Variants in TXNRD2 observed in about 807,000 individuals in gnomAD.
TXNRD2 encodes the protein thioredoxin reductase 2, mitochondrial.
Under a neutral mutation model 70.8 loss-of-function variants are expected in TXNRD2, and 67 were observed. The observed-to-expected ratio is 0.95, with a 90% CI of 0.78 to 1.16. The LOEUF is 1.16. Among genes scored for constraint, TXNRD2 ranks in the 50% most tolerant of loss-of-function variants. The pLI is 0.00. For synonymous variants in TXNRD2, 301 were observed against 295.8 expected (o/e 1.02, Z -0.18); for missense variants, 644 against 719.9 (o/e 0.89, Z 1.21).
At chr22:19,891,894 T>G (rs1218331083) in intron 11 of TXNRD2, 1 of 152,330 alleles carries the variant, frequency 6.6e-6, no homozygotes, top group African/African-American at 2.4e-5. Context: ...GCTCTGGTCC[T>G]CCTCTGCTTC....
intron 16 of TXNRD2, 103 bp from the exon 17 acceptor site, chr22:19,877,337 C>T (rs1427325960): frequency 1.8e-6 from 2 of 1,087,046 alleles, no homozygotes; most frequent in South Asian, 1.4e-5. Flanking sequence ...TGCTGGTCTC[C>T]TCACTGTCCC....
rs1388670551 is a variant in TXNRD2 at position 19,880,201 on chromosome 22, C to T, written c.1253G>A (p.Arg418His). The change falls in exon 14 of 18, where the codon CGC becomes CAC. Residue 418 changes from arginine (R) to histidine (H), a missense_variant. By Grantham distance (29) the Arg-to-His change is conservative. Around this residue, in one of 3 missense-constraint regions of TXNRD2, gnomAD observed 566 missense variants for 645.0 expected, o/e 0.88. Coordinates refer to ENST00000400521, the MANE Select transcript of TXNRD2 (RefSeq NM_006440.5). The part of the protein sequence containing the change: ...VGLSEEEAVA[R>H]HGQEHVEVYH... ...CACCTCAACATGCTCCTGCCCGTGG[C>T]GAGCCACTGCCTCCTCCTCGGACAG... 10 of 1,613,328 alleles carry T rather than the reference C, an allele frequency of 6.2e-6. No individual in the cohort carries two copies. Among genetic ancestry groups the T allele is most frequent in the East Asian group, 2.2e-5 (1 of 44,880 alleles).
intron 4 of TXNRD2, 90 bp downstream of exon 4, chr22:19,918,770 C>A (rs1940751717): frequency 1.3e-6 from 2 of 1,528,946 alleles, no homozygotes; most frequent in Admixed American, 3.3e-5. Flanking sequence ...GCCCACTCCC[C>A]ATGAGGGCTC....
At chr22:19,889,388 G>A (rs997707834) in intron 11 of TXNRD2, among the ~76,000 whole-genome samples, 3 of 152,112 alleles carry the variant, frequency 2.0e-5, no homozygotes, top group African/African-American at 4.8e-5. Context: ...TGAGGCGGGC[G>A]GATCATGACG....
At chr22:19,908,990 A>T (rs1940194424) in intron 8 of TXNRD2, among the ~76,000 whole-genome samples, 1 of 152,162 alleles carries the variant, frequency 6.6e-6, no homozygotes, top group South Asian at 2.1e-4. Flanking sequence ...GGATCACCTG[A>T]GGTCAGGAGT....
Position 19,881,376 on chromosome 22 carries a change from C to T in TXNRD2, c.1087-659G>A, listed in dbSNP as rs988468080. 5.4e-4 allele frequency: 163 copies of T among 303,884 alleles called. 2 individuals carry two copies. The East Asian group carries it at 8.4e-3, about 16-fold the overall frequency. The allele number at this position is 303,884 out of a possible 1,614,324, so 18.8% of individuals were successfully genotyped here. A position where few individuals can be genotyped will look rare whatever the true frequency, so the allele number is the denominator to read the frequency against. On this transcript the variant is annotated intron_variant, in intron 12 of 17. Coordinates refer to ENST00000400521, the MANE Select transcript of TXNRD2 (RefSeq NM_006440.5). The stretch of plus-strand genomic sequence containing the variant: ...AGCGCAGCCTGCGCATTCCAGCAGG[C>T]CTGACTAACTACGGAAACATCCCGG...
intron 8 of TXNRD2, 21 bp from the exon 9 acceptor site, chr22:19,899,089 G>C (rs370549828): frequency 6.8e-6 from 11 of 1,607,178 alleles, no homozygotes; most frequent in Admixed American, 1.7e-5. Context: ...AACAGAGAGA[G>C]AGCACATGTA....
intron 6 of TXNRD2, 33 bp from the exon 7 acceptor site, chr22:19,915,309 C>A (rs1940586615): frequency 1.2e-6 from 2 of 1,605,636 alleles, no homozygotes; most frequent in South Asian, 1.1e-5. Flanking sequence ...GTGGGTCAGA[C>A]AGGTGCATGG....
At chr22:19,894,780 G>C (rs1051937903) in intron 11 of TXNRD2, 15 of 318,850 alleles carry the variant, frequency 4.7e-5, no homozygotes, top group African/African-American at 2.5e-4. Flanking sequence ...ACAAGGTCAG[G>C]AGATTGAGAC....
Position 19,941,755 on chromosome 22 carries a change from A to ACCGGAAGCGCCCTCCTAATC in TXNRD2, c.29_48dup (p.Trp17AspfsTer2). ...CCGCCCGCCACGGCCTGCGTCCGCCACCGGAAGCGCCCTCCTAATCCCCGC... is the reference window on the plus strand; with the variant it reads ...CCGCCCGCCACGGCCTGCGTCCGCCACCGGAAGCGCCCTCCTAATCCCGGAAGCGCCCTCCTAATCCCCGC... On this transcript the variant is annotated stop_gained and frameshift_variant, in exon 1 of 18. Transcript: ENST00000400521. LOFTEE classifies it high-confidence loss of function. 1 of 1,505,622 alleles carries ACCGGAAGCGCCCTCCTAATC rather than the reference A, an allele frequency of 6.6e-7. No individual in the cohort carries two copies. The highest frequency in any genetic ancestry group is 1.5e-5 in the African/African-American group (1 of 68,912). 93.3% of individuals were successfully genotyped at this position (1,505,622 alleles called of 1,614,324 possible).
intron 16 of TXNRD2, among the ~76,000 whole-genome samples, chr22:19,877,707 A>T (rs1002319488): frequency 2.6e-5 from 4 of 152,126 alleles, no homozygotes; most frequent in African/African-American, 9.7e-5. Context: ...CCCCGAAAAC[A>T]CACAGCCTGA....
chr22:19,940,121 T>C (rs1941653109), intron 1 of TXNRD2, among the ~76,000 whole-genome samples: 1 of 151,828 alleles, frequency 6.6e-6, no homozygotes, highest in African/African-American at 2.4e-5. Flanking sequence ...GGCAGATGCC[T>C]GTAGTCCCAG....
intron 2 of TXNRD2, among the ~76,000 whole-genome samples, chr22:19,920,995 T>G (rs543862912): frequency 6.7e-6 from 1 of 148,488 alleles, no homozygotes; most frequent in African/African-American, 2.6e-5. Flanking sequence ...TAGTCCCAGT[T>G]ACTCGGGAGG....
intron 8 of TXNRD2, among the ~76,000 whole-genome samples, chr22:19,902,008 G>A (rs1430347608): frequency 6.6e-6 from 1 of 152,188 alleles, no homozygotes; most frequent in Admixed American, 6.5e-5. Flanking sequence ...AGACCAGCCT[G>A]AGCAATACAG....
chr22:19,909,970 A>C (rs1018086480), intron 8 of TXNRD2, among the ~76,000 whole-genome samples: 8 of 97,774 alleles, frequency 8.2e-5, no homozygotes, highest in African/African-American at 3.2e-4. Flanking sequence ...TCACACACAC[A>C]CCACACACAC....
chr22:19,906,373 T>G (rs1231764942), intron 8 of TXNRD2, among the ~76,000 whole-genome samples: 1 of 152,142 alleles, frequency 6.6e-6, no homozygotes, highest in Non-Finnish European at 1.5e-5. Context: ...CTCACACCTG[T>G]AATCCCAGCA....
intron 2 of TXNRD2, among the ~76,000 whole-genome samples, chr22:19,923,830 T>C (rs944748058): frequency 1.5e-5 from 2 of 136,254 alleles, no homozygotes; most frequent in Admixed American, 1.6e-4. Context: ...CAGCATTCAC[T>C]GAAACCCCTG....
chr22:19,897,970 G>T (rs925799793), intron 10 of TXNRD2, 69 bp downstream of exon 10: 1 of 1,337,740 alleles, frequency 7.5e-7, no homozygotes, highest in Non-Finnish European at 1.0e-6. Flanking sequence ...CACTGCACCT[G>T]CCTGGGAGGG....
chr22:19,899,690 CAT>C (rs979684052), intron 8 of TXNRD2, among the ~76,000 whole-genome samples: 11 of 152,388 alleles, frequency 7.2e-5, no homozygotes, highest in African/African-American at 2.2e-4. Flanking sequence ...CCACACTCCA[CAT>C]GTGTTTTGCA....
Sources: allele counts gnomAD v4.1 joint callset (sites outside exome capture counted in the v4.1 genomes callset), GRCh38; gene constraint gnomAD v4.1.1; regional missense constraint gnomAD v4.1.1; transcripts MANE v1.5; gene names NCBI Gene and HGNC (gene_info 2026-07-23, HGNC 2026-07-21).